The following PLCE1 variants were observed in gnomAD, a reference collection of about 807,000 sequenced individuals.
PLCE1 encodes the protein 1-phosphatidylinositol 4,5-bisphosphate phosphodiesterase epsilon-1.
A neutral mutation model predicts 242.8 loss-of-function variants in PLCE1; 119 were observed. That is an observed-to-expected ratio of 0.49 (90% CI 0.42 to 0.57). PLCE1 has a LOEUF of 0.57. Ranked by LOEUF, PLCE1 falls within the 20% of genes least tolerant of loss-of-function variation. The pLI, the probability that PLCE1 is intolerant of heterozygous loss-of-function variation, is 0.00. For synonymous variants in PLCE1, 945 were observed against 1,017.4 expected (o/e 0.93, Z 1.35); for missense variants, 2,441 against 2,788.8 (o/e 0.88, Z 2.81).
intron 2 of PLCE1, among the ~76,000 whole-genome samples, chr10:94,109,968 A>G (rs2045892107): frequency 1.3e-5 from 2 of 149,860 alleles, no homozygotes; most frequent in East Asian, 3.9e-4. Flanking sequence ...AACATTTCAC[A>G]TGGGCTTTGA....
At chr10:94,315,475 T>C (rs1489017899) in intron 28 of PLCE1, 1 of 455,912 alleles carries the variant, frequency 2.2e-6, no homozygotes, top group Non-Finnish European at 4.4e-6. Context: ...CTGTACAATA[T>C]GAGTGAGAAA....
At chr10:94,189,437 C>T (rs2048591442) in intron 4 of PLCE1, among the ~76,000 whole-genome samples, 1 of 151,928 alleles carries the variant, frequency 6.6e-6, no homozygotes, top group African/African-American at 2.4e-5. Context: ...GATGAGGACC[C>T]CAGGCAAGTG....
chr10:94,325,145 T>G, intron 32 of PLCE1, 41 bp downstream of exon 32: 1 of 1,362,250 alleles, frequency 7.3e-7, no homozygotes, highest in Non-Finnish European at 1.1e-6. Context: ...AGGGCTTAAC[T>G]TAAACTACTT....
At chr10:94,231,882 C>G (rs767118917) in intron 5 of PLCE1, among the ~76,000 whole-genome samples, 4 of 152,184 alleles carry the variant, frequency 2.6e-5, no homozygotes, top group Non-Finnish European at 4.4e-5. Context: ...GCTTGCTTGC[C>G]CGCTGCTCAT....
chr10:94,030,847 T>C lies in PLCE1; in HGVS notation c.-200T>C, dbSNP rs2061543275. ...TTAAAACCCTGATCTAGAAAAAATA[T>C]ATATTCATGATAGGAAGTTATAACT... is the stretch of plus-strand genomic sequence containing the variant. On this transcript the variant is annotated 5_prime_UTR_variant, in exon 2 of 33. Transcript: ENST00000371380. The C allele has an allele frequency of 3.3e-6, 2 of 600,972 alleles. No homozygotes were observed. The highest frequency in any genetic ancestry group is 5.8e-6 in the Non-Finnish European group (2 of 343,274). 37.2% of individuals were successfully genotyped at this position (600,972 alleles called of 1,614,324 possible). A position where few individuals can be genotyped will look rare whatever the true frequency, so the allele number is the denominator to read the frequency against.
intron 4 of PLCE1, among the ~76,000 whole-genome samples, chr10:94,183,155 C>T (rs1173076855): frequency 6.6e-6 from 1 of 152,144 alleles, no homozygotes; most frequent in African/African-American, 2.4e-5. Flanking sequence ...TTTGAAAAAC[C>T]ACTTTTAGAG....
rs2054137702 is a variant in PLCE1 at position 94,329,807 on chromosome 10, A to AAAC, written c.*1866_*1867insCAA. 6.7e-6 allele frequency: 1 copy of AAAC among 150,054 alleles called. No individual in the cohort carries two copies. The highest frequency in any genetic ancestry group is 1.5e-5 in the Non-Finnish European group (1 of 67,990). The allele number at this position is 150,054 out of a possible 1,614,324, so 9.3% of individuals were successfully genotyped here. Reference sequence around the variant, plus strand: ...AAAAAAAAAAAAAAAAAAAAAAAAAAAAAACACCATACAGCTTTCATGTCA... The same window carrying AAAC: ...AAAAAAAAAAAAAAAAAAAAAAAAAAAACAAAACACCATACAGCTTTCATGTCA... On this transcript the variant is annotated 3_prime_UTR_variant, in exon 33 of 33. Transcript: ENST00000371380.
intron 23 of PLCE1, among the ~76,000 whole-genome samples, chr10:94,294,409 T>C (rs1227650929): frequency 6.6e-6 from 1 of 152,214 alleles, no homozygotes; most frequent in African/African-American, 2.4e-5. Context: ...CACTATTAAA[T>C]TTATTGTGTT....
At chr10:94,092,912 C>A (rs187484643) in intron 2 of PLCE1, among the ~76,000 whole-genome samples, 1 of 152,254 alleles carries the variant, frequency 6.6e-6, no homozygotes, top group Admixed American at 6.5e-5. Context: ...AAAAGGGAGC[C>A]AGCAGACACA....
chr10:94,268,914 T>A lies in PLCE1; in HGVS notation c.4282-15T>A. ...AGGTGCTCACCTGGGGTGGATTCGC[T>A]CATTGATCACACAGGTCCTTTTGCA... On this transcript the variant is annotated splice_polypyrimidine_tract_variant and intron_variant, in intron 16 of 32. Coordinates refer to ENST00000371380, the MANE Select transcript of PLCE1 (RefSeq NM_016341.4). 6.5e-7 allele frequency: 1 copy of A among 1,527,326 alleles called. No homozygotes were observed. The highest frequency in any genetic ancestry group is 9.1e-7 in the Non-Finnish European group (1 of 1,101,158). 94.6% of individuals were successfully genotyped at this position (1,527,326 alleles called of 1,614,324 possible).
At chr10:94,133,880 GT>G (rs1487579463) in intron 3 of PLCE1, among the ~76,000 whole-genome samples, 1 of 151,860 alleles carries the variant, frequency 6.6e-6, no homozygotes, top group Admixed American at 6.6e-5. Context: ...GTGGTAAGCT[GT>G]TTTCCCTACA....
intron 4 of PLCE1, among the ~76,000 whole-genome samples, chr10:94,175,453 G>C (rs1318570234): frequency 6.6e-6 from 1 of 151,934 alleles, no homozygotes; most frequent in Non-Finnish European, 1.5e-5. Flanking sequence ...TACATAGTAG[G>C]TGTATATATT....
At chr10:94,086,311 G>C (rs193093283) in intron 2 of PLCE1, among the ~76,000 whole-genome samples, 1 of 152,102 alleles carries the variant, frequency 6.6e-6, no homozygotes, top group Non-Finnish European at 1.5e-5. Context: ...GCCACACCCA[G>C]CTTGTGACCA....
At chr10:94,249,802 G>A (rs181614097) in intron 8 of PLCE1, among the ~76,000 whole-genome samples, 17 of 152,250 alleles carry the variant, frequency 1.1e-4, no homozygotes, top group African/African-American at 4.1e-4. Flanking sequence ...TTGGCCCAAG[G>A]TTATCATGGA....
chr10:94,046,532 T>C (rs747504897), intron 2 of PLCE1, among the ~76,000 whole-genome samples: 25 of 152,170 alleles, frequency 1.6e-4, no homozygotes, highest in Non-Finnish European at 2.8e-4. Flanking sequence ...CAATGACCTT[T>C]CACAGGTCTG....
intron 22 of PLCE1, among the ~76,000 whole-genome samples, chr10:94,290,033 A>AT (rs1416455673): frequency 3.3e-5 from 5 of 151,894 alleles, no homozygotes; most frequent in East Asian, 1.9e-4. Context: ...TCTTATTTTT[A>AT]TTTTTTAATT....
intron 2 of PLCE1, among the ~76,000 whole-genome samples, chr10:94,092,119 TA>T (rs1419406374): frequency 6.6e-6 from 1 of 152,174 alleles, no homozygotes; most frequent in Non-Finnish European, 1.5e-5. Context: ...ACGAGAATTT[TA>T]AAAGCATGAA....
intron 25 of PLCE1, among the ~76,000 whole-genome samples, chr10:94,305,807 A>G (rs1374301583): frequency 6.6e-6 from 1 of 152,178 alleles, no homozygotes. Flanking sequence ...CAAATTTATG[A>G]TTATATTGCA....
chr10:94,307,210 C>T (rs1228686078), intron 26 of PLCE1, among the ~76,000 whole-genome samples: 1 of 152,162 alleles, frequency 6.6e-6, no homozygotes, highest in African/African-American at 2.4e-5. Context: ...TCAGCCTGTG[C>T]ATTGTTTTTA....
Sources: allele counts gnomAD v4.1 joint callset (sites outside exome capture counted in the v4.1 genomes callset), GRCh38; gene constraint gnomAD v4.1.1; transcripts MANE v1.5; gene names NCBI Gene and HGNC (gene_info 2026-07-23, HGNC 2026-07-21).